The following CUX1 variants were observed in gnomAD, a reference collection of about 807,000 sequenced individuals.
CUX1 encodes cut like homeobox 1.
A neutral mutation model predicts 158.8 loss-of-function variants in CUX1; 31 were observed. The ratio of observed to expected loss-of-function variants is 0.20; its 90% CI spans 0.15 to 0.26. CUX1 has a LOEUF of 0.26. CUX1 is among the 10% of genes least tolerant of loss of function. The pLI is 1.00. For synonymous variants in CUX1, 879 were observed against 862.1 expected, an observed-to-expected ratio of 1.02 and a Z score of -0.34; for missense variants, 1,589 against 2,014.6, an observed-to-expected ratio of 0.79 and a Z score of 4.04.
At position 102,239,455 on chromosome 7, in the gene CUX1, C is replaced by T. The variant is rs781860521; in HGVS notation, c.3758C>T (p.Pro1253Leu). 13 of 1,613,898 alleles carry T rather than the reference C, an allele frequency of 8.1e-6. No homozygotes were observed. The highest frequency in any genetic ancestry group is 4.5e-5 in the East Asian group (2 of 44,890). The change falls in exon 23 of 24, where the codon CCG becomes CTG. Residue 1253 changes from proline (P) to leucine (L), a missense_variant. Transcript: ENST00000292535. ...QLKKPRVVLA[P>L]EEKEALKRAY... ...AAGAAACCCCGGGTGGTGCTGGCTC[C>T]GGAGGAGAAGGAGGCGCTGAAACGA...
At chr7:101,817,439 G>T, upstream of CUX1, 1 of 984,430 alleles carries the variant, frequency 1.0e-6, no homozygotes, top group Non-Finnish European at 1.2e-6. This position sits in a 1 kb window ranked among gnomAD's most constrained non-coding sequence, Gnocchi z 4.1. Flanking sequence ...GCCGGGCGGT[G>T]GTCCGCGCGC....
intron 20 of CUX1, among the ~76,000 whole-genome samples, chr7:102,221,352 T>A (rs1554526847): frequency 6.6e-6 from 1 of 152,232 alleles, no homozygotes; most frequent in Non-Finnish European, 1.5e-5. Flanking sequence ...TGAAAATGCT[T>A]GCTGACTTCC....
At position 102,219,547 on chromosome 7, in the gene CUX1, A is replaced by AT. The variant is rs2132262916; in HGVS notation, c.3131-7818dup. ...GAAGGCCAACCCAGGACCCTCGGGAATTGGACCTTCGCGTCGGCCCCCCGC... is the reference window on the plus strand; with the variant it reads ...GAAGGCCAACCCAGGACCCTCGGGAATTTGGACCTTCGCGTCGGCCCCCCGC... On this transcript the variant is annotated intron_variant, in intron 20 of 23. Transcript: ENST00000292535. 2.0e-5 allele frequency among the ~76,000 whole-genome samples: 3 copies of AT among 152,308 alleles called. No homozygotes were observed. The South Asian group carries it at 6.2e-4, about 32-fold the overall frequency.
At chr7:102,083,630 T>C (rs1554479517) in intron 4 of CUX1, among the ~76,000 whole-genome samples, 2 of 147,046 alleles carry the variant, frequency 1.4e-5, no homozygotes, top group African/African-American at 4.9e-5. Context: ...AGATTCAGCT[T>C]GTCAGTTTTT....
intron 1 of CUX1, among the ~76,000 whole-genome samples, chr7:101,893,603 G>A (rs1801143335): frequency 6.6e-6 from 1 of 152,154 alleles, no homozygotes; most frequent in African/African-American, 2.4e-5. Flanking sequence ...CTAACGTAGA[G>A]AAGTGGACAG....
rs1804886345 is a variant in CUX1 at position 101,921,262 on chromosome 7, T to C, written c.141+5037T>C. Among the ~76,000 whole-genome samples the C allele has an allele frequency of 1.3e-5, 2 of 152,088 alleles. 1 individual carries two copies. The highest frequency in any genetic ancestry group is 4.1e-4 in the South Asian group (2 of 4,828). On this transcript the variant is annotated intron_variant, in intron 2 of 23. Transcript: ENST00000292535. ...CGCTCGCAGGGTTGCTGTGTGCACA[T>C]ATGTGTGTGTACGTACCCATGTGCC... is the stretch of plus-strand genomic sequence containing the variant.
intron 1 of CUX1, among the ~76,000 whole-genome samples, chr7:101,863,258 G>A (rs1311089189): frequency 6.6e-6 from 1 of 151,358 alleles, no homozygotes; most frequent in East Asian, 1.9e-4. Context: ...AAAAAAATTT[G>A]TTTCAATCAG....
Position 102,195,656 on chromosome 7 carries a change from C to A in CUX1, c.1222+53C>A, listed in dbSNP as rs1794728909. ...CGGTGGTTGGTTCGCTTCCAGGGGT[C>A]GGTCGAGGACGAGGAAGGTGAATCG... On this transcript the variant is annotated intron_variant, in intron 14 of 23. Transcript: ENST00000292535. 3 of 1,479,176 alleles carry A rather than the reference C, an allele frequency of 2.0e-6. No individual in the cohort carries two copies. In the African/African-American group the frequency reaches 4.1e-5, roughly 20 times the overall value. The allele number at this position is 1,479,176 out of a possible 1,614,324, so 91.6% of individuals were successfully genotyped here. A position where few individuals can be genotyped will look rare whatever the true frequency, so the allele number is the denominator to read the frequency against.
intron 8 of CUX1, among the ~76,000 whole-genome samples, chr7:102,128,617 T>C (rs1047330370): frequency 1.4e-4 from 21 of 151,592 alleles, no homozygotes; most frequent in Admixed American, 1.3e-3. Context: ...CTGGGTTTAA[T>C]TCCCAACTCC....
At chr7:101,872,883 T>A (rs1269272512) in intron 1 of CUX1, among the ~76,000 whole-genome samples, 1 of 151,984 alleles carries the variant, frequency 6.6e-6, no homozygotes, top group East Asian at 1.9e-4. Context: ...TTATTTTTTA[T>A]TTTTTTTGAG....
chr7:102,025,896 G>C (rs1819963686), intron 2 of CUX1, among the ~76,000 whole-genome samples: 1 of 152,080 alleles, frequency 6.6e-6, no homozygotes. Context: ...TGGTACAGTG[G>C]CCAGGTGCAG....
chr7:101,952,761 C>T lies in CUX1; in HGVS notation c.141+36536C>T, dbSNP rs116087214. Reference sequence around the variant, plus strand: ...GCGCCATGCTGGTCTCAGCTCGGGGCTTACCTGGTCCCAGAGGTGTGTTGG... The same window carrying T: ...GCGCCATGCTGGTCTCAGCTCGGGGTTTACCTGGTCCCAGAGGTGTGTTGG... On this transcript the variant is annotated intron_variant, in intron 2 of 23. Coordinates refer to ENST00000292535, the MANE Select transcript of CUX1 (RefSeq NM_181552.4). Among the ~76,000 whole-genome samples, 1,049 of 152,306 alleles carry T rather than the reference C, an allele frequency of 6.9e-3. 12 individuals carry two copies. The highest frequency in any genetic ancestry group is 0.024 in the African/African-American group (993 of 41,580).
chr7:102,112,533 G>A (rs910736554), intron 7 of CUX1, among the ~76,000 whole-genome samples: 6 of 151,068 alleles, frequency 4.0e-5, no homozygotes, highest in African/African-American at 1.5e-4. Flanking sequence ...GAGCCACCGC[G>A]CCCAGCCCTC....
intron 7 of CUX1, among the ~76,000 whole-genome samples, chr7:102,113,966 T>A (rs1831200261): frequency 6.6e-6 from 1 of 152,200 alleles, no homozygotes; most frequent in African/African-American, 2.4e-5. Flanking sequence ...ATGGAATGGA[T>A]GGGCATGGAA....
chr7:102,118,062 C>T (rs1831623112), intron 8 of CUX1, among the ~76,000 whole-genome samples: 1 of 152,232 alleles, frequency 6.6e-6, no homozygotes, highest in Non-Finnish European at 1.5e-5. Context: ...GCCTTTGCCT[C>T]CCCTTTTATT....
intron 2 of CUX1, among the ~76,000 whole-genome samples, chr7:101,923,165 G>A (rs1805164180): frequency 6.6e-6 from 1 of 152,146 alleles, no homozygotes; most frequent in Non-Finnish European, 1.5e-5. Flanking sequence ...TGGACAGTTT[G>A]GAGACCAGGT....
chr7:102,266,102 G>A (rs1790788389), intron 14 of CUX1, among the ~76,000 whole-genome samples: 1 of 151,762 alleles, frequency 6.6e-6, no homozygotes. Context: ...TGCTCGGGAG[G>A]CTGAGGCAGG....
At chr7:101,989,519 T>C (rs1233142427) in intron 2 of CUX1, among the ~76,000 whole-genome samples, 1 of 152,086 alleles carries the variant, frequency 6.6e-6, no homozygotes, top group Non-Finnish European at 1.5e-5. Flanking sequence ...GAGTGGAGCG[T>C]TCTGTTGCTT....
At chr7:102,046,453 G>A (rs1005870602) in intron 3 of CUX1, among the ~76,000 whole-genome samples, 3 of 151,830 alleles carry the variant, frequency 2.0e-5, no homozygotes, top group African/African-American at 4.8e-5. Context: ...GGCTGGTCTC[G>A]AACTCCTCAC....
Sources: gnomAD v4.1 joint callset for allele counts (sites outside exome capture counted in the v4.1 genomes callset) on GRCh38, gnomAD v4.1.1 for gene constraint, Gnocchi (gnomAD v3.1) non-coding constraint, MANE v1.5 for transcripts, NCBI Gene and HGNC (gene_info 2026-07-23, HGNC 2026-07-21) for gene names.